IDE: variants seen among roughly 807,000 people sequenced by gnomAD.
IDE encodes the protein insulin-degrading enzyme.
Under a neutral mutation model 133.2 loss-of-function variants are expected in IDE, and 58 were observed. That is an observed-to-expected ratio of 0.44 (90% confidence interval 0.35 to 0.54). The LOEUF (loss-of-function observed/expected upper bound fraction) is 0.54. Ranked by LOEUF, IDE falls within the 20% of genes least tolerant of loss-of-function variation. IDE has a pLI of 0.00. For synonymous variants in IDE, 396 were observed against 421.3 expected (o/e 0.94, Z 0.73); for missense variants, 981 against 1,234.0 (o/e 0.79, Z 3.07).
chr10:92,498,499 T>C (rs1054008943), intron 11 of IDE, among the ~76,000 whole-genome samples: 3 of 152,154 alleles, frequency 2.0e-5, no homozygotes, highest in Non-Finnish European at 4.4e-5. Context: ...CTCACACCTG[T>C]AATCCCAGCA....
At chr10:92,486,851 T>A (rs1408665573) in intron 13 of IDE, among the ~76,000 whole-genome samples, 1 of 152,186 alleles carries the variant, frequency 6.6e-6, no homozygotes, top group East Asian at 1.9e-4. Context: ...TTATCTTTAA[T>A]GTCCATGATG....
intron 23 of IDE, 80 bp downstream of exon 23, chr10:92,456,279 C>G (rs1440433943): frequency 2.1e-6 from 2 of 936,492 alleles, no homozygotes; most frequent in Non-Finnish European, 3.6e-6. Flanking sequence ...TTCTGGTGTT[C>G]TATAAGGCAT....
intron 4 of IDE, among the ~76,000 whole-genome samples, chr10:92,529,714 G>GAA (rs918399575): frequency 8.5e-4 from 127 of 150,200 alleles, no homozygotes; most frequent in African/African-American, 3.1e-3. Flanking sequence ...ACCTCTACAG[G>GAA]AAAAAAAAAT....
intron 4 of IDE, among the ~76,000 whole-genome samples, chr10:92,516,375 T>G (rs547196037): frequency 6.6e-6 from 1 of 151,470 alleles, no homozygotes; most frequent in African/African-American, 2.4e-5. Context: ...GCACCTGTAG[T>G]CTCGGCTACT....
At chr10:92,488,900 G>A (rs1173556245) in intron 12 of IDE, among the ~76,000 whole-genome samples, 1 of 120,762 alleles carries the variant, frequency 8.3e-6, no homozygotes, top group Non-Finnish European at 1.6e-5. Flanking sequence ...GCCACTGATT[G>A]TTGAACCTAA....
At chr10:92,539,939 G>A (rs963704494) in intron 1 of IDE, among the ~76,000 whole-genome samples, 1 of 151,538 alleles carries the variant, frequency 6.6e-6, no homozygotes, top group Non-Finnish European at 1.5e-5. Flanking sequence ...GGGGTACAAG[G>A]AACCTCAGAT....
chr10:92,518,121 G>A (rs1849029803), intron 4 of IDE, among the ~76,000 whole-genome samples: 1 of 151,942 alleles, frequency 6.6e-6, no homozygotes, highest in South Asian at 2.1e-4. Context: ...CTCGTATCAA[G>A]GTGAAATTTG....
At chr10:92,553,773 G>T (rs1026936641) in intron 1 of IDE, among the ~76,000 whole-genome samples, 1 of 152,080 alleles carries the variant, frequency 6.6e-6, no homozygotes, top group African/African-American at 2.4e-5. Flanking sequence ...AACCTACCAA[G>T]ATTGAACCAT....
At chr10:92,546,522 C>T (rs1219506363) in intron 1 of IDE, among the ~76,000 whole-genome samples, 1 of 152,074 alleles carries the variant, frequency 6.6e-6, no homozygotes, top group African/African-American at 2.4e-5. Flanking sequence ...GCTACCCATA[C>T]CAAAGAGGTG....
rs763112345 is a variant in IDE, at chr10:92,508,833, T to C, written c.955A>G (p.Ile319Val). Residue 319 changes from isoleucine (I) to valine (V), a missense_variant, in exon 7 of 25, where the codon ATA becomes GTA. Around this residue, in one of 2 missense-constraint regions of IDE, gnomAD observed 660 missense variants for 894.7 expected, o/e 0.74. Transcript: ENST00000265986. ...TTGTAGTATTTCTGAAGGTCAGGTATGGGAAATGTCACATAGAGATTCCTA... is the reference window on the plus strand; with the variant it reads ...TTGTAGTATTTCTGAAGGTCAGGTACGGGAAATGTCACATAGAGATTCCTA... ...DIRNLYVTFP[I>V]PDLQKYYKSN... 1.9e-6 allele frequency: 3 copies of C among 1,613,188 alleles called. No homozygotes were observed. The highest frequency in any genetic ancestry group is 1.7e-6 in the Non-Finnish European group (2 of 1,179,080).
chr10:92,500,293 A>G (rs1847934994), intron 11 of IDE, among the ~76,000 whole-genome samples: 2 of 151,248 alleles, frequency 1.3e-5, no homozygotes, highest in Non-Finnish European at 2.9e-5. Context: ...GTGAAACTCC[A>G]TCTCAAAAAA....
At chr10:92,547,941 A>C (rs181788239) in intron 1 of IDE, among the ~76,000 whole-genome samples, 88 of 152,264 alleles carry the variant, frequency 5.8e-4, no homozygotes, top group Middle Eastern at 3.4e-3. Context: ...TTTAAAAAAC[A>C]GTTCTCCCTA....
rs1850047289 is a variant in IDE at position 92,533,365 on chromosome 10, C to G, written c.491+1213G>C. 2.0e-5 allele frequency among the ~76,000 whole-genome samples: 3 copies of G among 152,064 alleles called. No homozygotes were observed. In the South Asian group the frequency reaches 6.2e-4, roughly 31 times the overall value. On this transcript the variant is annotated intron_variant, in intron 3 of 24. Transcript: ENST00000265986. The stretch of plus-strand genomic sequence containing the variant: ...CAAAGCTGCTGCCTAAAGACTGAAA[C>G]ATAAAATAAAATAAGTAGGAAACAG...
chr10:92,543,771 A>T (rs892407802), intron 1 of IDE, among the ~76,000 whole-genome samples: 3 of 152,242 alleles, frequency 2.0e-5, no homozygotes, highest in Non-Finnish European at 4.4e-5. Context: ...TGACAAGCTT[A>T]ACACAGAACA....
intron 15 of IDE, 112 bp downstream of exon 15, chr10:92,479,165 T>C (rs1846447915): frequency 1.5e-5 from 10 of 675,356 alleles, no homozygotes; most frequent in Admixed American, 5.7e-5. Flanking sequence ...TGATTAGCCA[T>C]AAAGATTAAA....
chr10:92,464,062 A>G (rs989554515), intron 20 of IDE, 59 bp from the exon 21 acceptor site: 3 of 1,536,244 alleles, frequency 2.0e-6, no homozygotes, highest in African/African-American at 1.4e-5. Flanking sequence ...GTCATTTTTA[A>G]TCCTTCAAAA....
chr10:92,463,911 T>G lies in IDE; in HGVS notation c.2581A>C (p.Ser861Arg). Residue 861 changes from serine (S) to arginine (R), a missense_variant, in exon 21 of 25, where the codon AGC (serine) becomes CGC (arginine). Ser to Arg is a moderately radical substitution (Grantham distance 110). This residue lies in a region of IDE where 660 missense variants were observed against 894.7 expected (regional missense o/e 0.74). Transcript: ENST00000265986. ...GTAATTAAGAAAGCTTCCACTCTGC[T>G]TTCTAGGTAGTGAGGTGGCTTTTCT... ...QSEKPPHYLE[S>R]RVEAFLITME... The G allele has an allele frequency of 6.2e-7, 1 of 1,614,204 alleles. No homozygotes were observed. The highest frequency in any genetic ancestry group is 8.5e-7 in the Non-Finnish European group (1 of 1,180,024).
At chr10:92,555,610 T>A (rs1023136478) in intron 1 of IDE, among the ~76,000 whole-genome samples, 5 of 152,086 alleles carry the variant, frequency 3.3e-5, no homozygotes, top group African/African-American at 4.8e-5. Flanking sequence ...CTTTTCAGTA[T>A]GAGATTGTTT....
chr10:92,491,657 C>A (rs1388363549), intron 11 of IDE, among the ~76,000 whole-genome samples: 1 of 150,376 alleles, frequency 6.6e-6, no homozygotes, highest in African/African-American at 2.5e-5. Flanking sequence ...GCCACCCAGG[C>A]TGGAGTGCAA....
Sources: gnomAD v4.1 joint callset for allele counts (sites outside exome capture counted in the v4.1 genomes callset) on GRCh38, gnomAD v4.1.1 for gene constraint, gnomAD v4.1.1 regional missense constraint, MANE v1.5 for transcripts, NCBI Gene and HGNC (gene_info 2026-07-23, HGNC 2026-07-21) for gene names.